COL15A1: variants seen among roughly 807,000 people sequenced by gnomAD.
COL15A1 encodes collagen type XV alpha 1 chain, also known as collagen alpha-1(XV) chain.
COL15A1 carries 111 observed loss-of-function variants against 165.9 expected under a neutral mutation model. The observed-to-expected ratio is 0.67, with a 90% CI of 0.57 to 0.78. The LOEUF (loss-of-function observed/expected upper bound fraction) is 0.78, where lower values mean the gene tolerates loss of function less well. Among genes scored for constraint, COL15A1 ranks in the 30% least tolerant of loss-of-function variants. COL15A1 has a pLI of 0.00. For missense variants in COL15A1, 1,745 were observed against 1,789.7 expected, an observed-to-expected ratio of 0.98 and a Z score of 0.45; for synonymous variants, 659 against 674.8, an observed-to-expected ratio of 0.98 and a Z score of 0.36.
chr9:98,956,121 C>A (rs947362418), intron 2 of COL15A1, among the ~76,000 whole-genome samples: 8 of 152,324 alleles, frequency 5.3e-5, no homozygotes, highest in Non-Finnish European at 8.8e-5. Context: ...GCCGGGCCAA[C>A]ATGACAAAAT....
intron 2 of COL15A1, among the ~76,000 whole-genome samples, chr9:98,950,603 CCTCT>C (rs1837670493): frequency 6.9e-6 from 1 of 145,580 alleles, no homozygotes; most frequent in Non-Finnish European, 1.5e-5. Context: ...TCCCTCCCTC[CCTCT>C]CTCTCTTCCT....
In COL15A1 at chr9:99,070,091, A is replaced by G; in HGVS notation, c.*205A>G. 3.8e-6 allele frequency: 2 copies of G among 531,176 alleles called. No individual in the cohort carries two copies. The highest frequency in any genetic ancestry group is 4.8e-5 in the South Asian group (2 of 41,334). The allele number at this position is 531,176 out of a possible 1,614,324, so 32.9% of individuals were successfully genotyped here. ...TCAGATCAAAGACAAAATCTGATCC[A>G]TATATTGGTGCTAGATTCTGCAGGA... On this transcript the variant is annotated 3_prime_UTR_variant, in exon 42 of 42. Coordinates refer to ENST00000375001, the MANE Select transcript of COL15A1 (RefSeq NM_001855.5).
chr9:99,068,491 A>G (rs1825932660), intron 40 of COL15A1, 64 bp from the exon 41 acceptor site: 1 of 636,946 alleles, frequency 1.6e-6, no homozygotes, highest in Non-Finnish European at 2.5e-6. Flanking sequence ...AAAAAAGAGT[A>G]AAAATCTAAC....
chr9:99,008,844 A>T (rs147201171), intron 9 of COL15A1, among the ~76,000 whole-genome samples: 16,148 of 152,220 alleles, frequency 0.11, 1,065 homozygotes, highest in East Asian at 0.32. Context: ...TCCTGACCTC[A>T]GATGATCCAC....
At chr9:98,964,952 C>T (rs1837931901) in intron 2 of COL15A1, among the ~76,000 whole-genome samples, 1 of 152,220 alleles carries the variant, frequency 6.6e-6, no homozygotes, top group Non-Finnish European at 1.5e-5. Flanking sequence ...CTTGTCTGCC[C>T]TGGCTGAATT....
At chr9:99,026,544 G>T (rs1049462383) in intron 16 of COL15A1, among the ~76,000 whole-genome samples, 1 of 152,194 alleles carries the variant, frequency 6.6e-6, no homozygotes, top group Non-Finnish European at 1.5e-5. Context: ...TTCCTGATTC[G>T]CACAAGCTGC....
At chr9:99,045,146 T>A (rs369602854) in intron 26 of COL15A1, among the ~76,000 whole-genome samples, 18 of 152,214 alleles carry the variant, frequency 1.2e-4, no homozygotes, top group African/African-American at 4.3e-4. Flanking sequence ...ATAATAAACA[T>A]CACTTCTGGC....
At chr9:98,953,840 T>C (rs1191819704) in intron 2 of COL15A1, among the ~76,000 whole-genome samples, 1 of 152,260 alleles carries the variant, frequency 6.6e-6, no homozygotes, top group East Asian at 1.9e-4. Flanking sequence ...ATCTAGGCAG[T>C]CTTTTGTGAC....
rs774761012 is a variant in COL15A1 at position 98,944,214 on chromosome 9, C to A, written c.64C>A (p.Pro22Thr). The A allele has an allele frequency of 1.9e-6, 3 of 1,614,028 alleles. No individual in the cohort carries two copies. The highest frequency in any genetic ancestry group is 2.5e-6 in the Non-Finnish European group (3 of 1,179,980). ...GCTGATGCTGCTCTCGGTCTCCACGCCCCTCCCTGCTGTCACCCAGACCCG... is the reference window on the plus strand; with the variant it reads ...GCTGATGCTGCTCTCGGTCTCCACGACCCTCCCTGCTGTCACCCAGACCCG... The part of the protein sequence containing the change: ...CLLMLLSVST[P>T]LPAVTQTRGA... Residue 22 changes from proline to threonine, a missense_variant, in exon 2 of 42, where the codon CCC becomes ACC. Coordinates refer to ENST00000375001, the MANE Select transcript of COL15A1 (RefSeq NM_001855.5).
intron 11 of COL15A1, among the ~76,000 whole-genome samples, chr9:99,018,514 G>A (rs1231961900): frequency 6.6e-6 from 1 of 152,198 alleles, no homozygotes; most frequent in African/African-American, 2.4e-5. Context: ...TTCTAGTGGA[G>A]ATAGTCTGAT....
chr9:99,016,076 C>T lies in COL15A1; in HGVS notation c.1604C>T (p.Pro535Leu), dbSNP rs141284607. 1.8e-4 allele frequency: 294 copies of T among 1,613,912 alleles called. 1 individual carries two copies. Among genetic ancestry groups the T allele is most frequent in the Admixed American group, 2.3e-4 (14 of 59,998 alleles). ...GGCAGCCCTCCCCCTGATGGGCCAC[C>T]GCTGCCCCTGCCCACAGTGGCTCCT... ...ESGSPPPDGP[P>L]LPLPTVAPER... Residue 535 changes from proline to leucine, a missense_variant, in exon 11 of 42, where the codon CCG (proline) becomes CTG (leucine). Pro to Leu is a moderately conservative substitution (Grantham distance 98). Coordinates refer to ENST00000375001, the MANE Select transcript of COL15A1 (RefSeq NM_001855.5).
At chr9:99,026,777 T>C (rs1588521854) in intron 16 of COL15A1, among the ~76,000 whole-genome samples, 1 of 152,278 alleles carries the variant, frequency 6.6e-6, no homozygotes, top group East Asian at 1.9e-4. Context: ...GCACCCCTCC[T>C]TCCTCCCCTT....
intron 24 of COL15A1, 37 bp from the exon 25 acceptor site, chr9:99,044,531 G>T (rs757376539): frequency 1.9e-6 from 3 of 1,602,584 alleles, no homozygotes; most frequent in Non-Finnish European, 1.7e-6. Flanking sequence ...TGGCAAGGAG[G>T]AGTCCTGACT....
rs1011037164 is a variant in COL15A1 at position 98,952,226 on chromosome 9, G to A, written c.100+7976G>A. Among the ~76,000 whole-genome samples, 4 of 152,310 alleles carry A rather than the reference G, an allele frequency of 2.6e-5. No homozygotes were observed. The East Asian group carries it at 7.7e-4, about 29-fold the overall frequency. On this transcript the variant is annotated intron_variant, in intron 2 of 41. Coordinates refer to ENST00000375001, the MANE Select transcript of COL15A1 (RefSeq NM_001855.5). ...TTACTATGTTCTCTGTGGTGTGTAA[G>A]TCATTCCAATTCTTCCATGGCTTTG...
intron 16 of COL15A1, among the ~76,000 whole-genome samples, chr9:99,034,024 C>A (rs945776099): frequency 1.3e-5 from 2 of 152,160 alleles, no homozygotes; most frequent in Admixed American, 6.5e-5. Context: ...TGCAACCTGC[C>A]CTAATGCAAC....
chr9:98,976,176 G>C (rs753753559), intron 2 of COL15A1, among the ~76,000 whole-genome samples: 6 of 152,178 alleles, frequency 3.9e-5, no homozygotes. Context: ...GGGAGCTTTA[G>C]AAATATGATC....
At chr9:99,003,784 A>C (rs540196411) in intron 8 of COL15A1, among the ~76,000 whole-genome samples, 197 bp downstream of exon 8, 3 of 152,216 alleles carry the variant, frequency 2.0e-5, no homozygotes, top group Admixed American at 6.5e-5. Context: ...TGTGCTGGGC[A>C]CTAGGCCTGG....
intron 16 of COL15A1, 115 bp from the exon 17 acceptor site, chr9:99,034,434 A>G (rs1455335851): frequency 1.4e-6 from 2 of 1,447,768 alleles, no homozygotes; most frequent in African/African-American, 1.4e-5. Flanking sequence ...TGAGACAGAA[A>G]GAGTCCTATT....
At position 98,974,124 on chromosome 9, in the gene COL15A1, G is replaced by A. The variant is rs59436536; in HGVS notation, c.101-11441G>A. Among the ~76,000 whole-genome samples the A allele has an allele frequency of 8.1e-3, 1,238 of 152,324 alleles. 13 individuals carry two copies. The highest frequency in any genetic ancestry group is 0.027 in the African/African-American group (1,117 of 41,566). On this transcript the variant is annotated intron_variant, in intron 2 of 41. Transcript: ENST00000375001. The stretch of plus-strand genomic sequence containing the variant: ...GGTAGAGAGCTAGGCCCAGCCAGGT[G>A]GGTGGGAGTTGCAGGGGCGGTTGCC...
Sources: gnomAD v4.1 joint callset for allele counts (sites outside exome capture counted in the v4.1 genomes callset) on GRCh38, gnomAD v4.1.1 for gene constraint, MANE v1.5 for transcripts, NCBI Gene and HGNC (gene_info 2026-07-23, HGNC 2026-07-21) for gene names.